The following FBXO45 variants were observed in gnomAD, a reference collection of about 807,000 sequenced individuals.
FBXO45 encodes the protein F-box/SPRY domain-containing protein 1.
In FBXO45, 3 loss-of-function variants were observed where a neutral mutation model predicts 25.5. The observed-to-expected ratio is 0.12, with a 90% CI of 0.05 to 0.30. The LOEUF is 0.30. FBXO45 is among the 10% of genes least tolerant of loss of function. The pLI is 1.00. For missense variants in FBXO45, 219 were observed against 365.0 expected (o/e 0.60, Z 3.26); for synonymous variants, 155 against 149.8 (o/e 1.03, Z -0.25).
Position 196,568,876 on chromosome 3 carries a change from A to C in FBXO45, c.-109A>C. ...GGAGGCGCCGGCGGTTGGCACTGACAGGGGCGGTGAGCGAGCCGCTCCGGT... is the reference window on the plus strand; with the variant it reads ...GGAGGCGCCGGCGGTTGGCACTGACCGGGGCGGTGAGCGAGCCGCTCCGGT... On this transcript the variant is annotated 5_prime_UTR_variant, in exon 1 of 3. Transcript: ENST00000311630. 1 of 826,808 alleles carries C rather than the reference A, an allele frequency of 1.2e-6. No individual in the cohort carries two copies. Among genetic ancestry groups the C allele is most frequent in the Non-Finnish European group, 1.5e-6 (1 of 685,012 alleles). The allele number at this position is 826,808 out of a possible 1,614,324, so 51.2% of individuals were successfully genotyped here.
chr3:196,579,689 T>C (rs1735975804), intron 2 of FBXO45, among the ~76,000 whole-genome samples: 1 of 152,230 alleles, frequency 6.6e-6, no homozygotes. Flanking sequence ...TACATAGTGT[T>C]ACTGATTTTT....
In FBXO45 at chr3:196,569,447, C is replaced by A. The variant is rs138237346; in HGVS notation, c.318+145C>A. 9.5e-4 allele frequency: 685 copies of A among 722,342 alleles called. 1 individual carries two copies. The highest frequency in any genetic ancestry group is 2.5e-3 in the Middle Eastern group (6 of 2,444). 44.7% of individuals were successfully genotyped at this position (722,342 alleles called of 1,614,324 possible). A position where few individuals can be genotyped will look rare whatever the true frequency, so the allele number is the denominator to read the frequency against. ...TCCAGTCAGTATCTTCCTCACCTCC[C>A]CCCAAGATAAAGATTCTCTTTTCTT... On this transcript the variant is annotated intron_variant, in intron 1 of 2. Coordinates refer to ENST00000311630, the MANE Select transcript of FBXO45 (RefSeq NM_001105573.2). This position sits in a 1 kb window ranked among gnomAD's most constrained non-coding sequence, Gnocchi z 4.1.
At position 196,584,593 on chromosome 3, in the gene FBXO45, A is replaced by G; in HGVS notation, c.*275A>G. On this transcript the variant is annotated 3_prime_UTR_variant, in exon 3 of 3. Coordinates refer to ENST00000311630, the MANE Select transcript of FBXO45 (RefSeq NM_001105573.2). The surrounding 1 kb of genome is among the most constrained non-coding windows in gnomAD (Gnocchi z 4.3). ...TCTAAGTTAGCAATGTGTTATTTCC[A>G]GCTTTAAAGGTGAGATTGTAGAGAT... 3.5e-6 allele frequency: 1 copy of G among 289,570 alleles called. No homozygotes were observed. Among genetic ancestry groups the G allele is most frequent in the Admixed American group, 5.2e-5 (1 of 19,330 alleles). 17.9% of individuals were successfully genotyped at this position (289,570 alleles called of 1,614,324 possible). A position where few individuals can be genotyped will look rare whatever the true frequency, so the allele number is the denominator to read the frequency against.
chr3:196,581,679 C>CT (rs1736015158), intron 2 of FBXO45, among the ~76,000 whole-genome samples: 1 of 152,234 alleles, frequency 6.6e-6, no homozygotes, highest in South Asian at 2.1e-4. Flanking sequence ...TTGGATTCAG[C>CT]TTCTGTTGAT....
intron 1 of FBXO45, among the ~76,000 whole-genome samples, chr3:196,570,156 C>T (rs780662443): frequency 4.6e-5 from 7 of 152,086 alleles, no homozygotes; most frequent in East Asian, 1.9e-4. Flanking sequence ...TGGTTAACAG[C>T]TATTCAGTAT....
chr3:196,582,381 G>A (rs1359130997), intron 2 of FBXO45, among the ~76,000 whole-genome samples: 1 of 152,246 alleles, frequency 6.6e-6, no homozygotes, highest in South Asian at 2.1e-4. Context: ...ATGATGATTT[G>A]GAGGTTCTTA....
chr3:196,577,431 G>A (rs766856490), intron 1 of FBXO45, 22 bp from the exon 2 acceptor site: 1 of 1,483,182 alleles, frequency 6.7e-7, no homozygotes, highest in Non-Finnish European at 9.1e-7. Context: ...TTATTTATTT[G>A]GTCTGTTTTT....
chr3:196,582,508 G>C (rs1055388558), intron 2 of FBXO45, among the ~76,000 whole-genome samples: 1 of 152,132 alleles, frequency 6.6e-6, no homozygotes, highest in Non-Finnish European at 1.5e-5. Context: ...GACAATAGTA[G>C]GGGTTATAAT....
rs762074398 is a variant in FBXO45, at chr3:196,584,344, A to AG, written c.*27dup. The stretch of plus-strand genomic sequence containing the variant: ...CAGTGGCTTTCTTGTGATGACAGAC[A>AG]GAATGGAGGAGAGATCTGCTTATGG... On this transcript the variant is annotated 3_prime_UTR_variant, in exon 3 of 3. Transcript: ENST00000311630. The surrounding 1 kb of genome is among the most constrained non-coding windows in gnomAD (Gnocchi z 4.3). 1 of 1,574,886 alleles carries AG rather than the reference A, an allele frequency of 6.3e-7. No individual in the cohort carries two copies. Among genetic ancestry groups the AG allele is most frequent in the South Asian group, 1.2e-5 (1 of 85,022 alleles).
intron 1 of FBXO45, among the ~76,000 whole-genome samples, chr3:196,575,631 G>C (rs1735899657): frequency 6.6e-6 from 1 of 151,202 alleles, no homozygotes; most frequent in Non-Finnish European, 1.5e-5. Flanking sequence ...GCTATTTTGG[G>C]GACATGTTCC....
Position 196,584,482 on chromosome 3 carries a change from C to T in FBXO45, c.*164C>T. The T allele has an allele frequency of 1.6e-6, 1 of 623,838 alleles. No homozygotes were observed. The highest frequency in any genetic ancestry group is 3.1e-5 in the South Asian group (1 of 31,772). 38.6% of individuals were successfully genotyped at this position (623,838 alleles called of 1,614,324 possible). A position where few individuals can be genotyped will look rare whatever the true frequency, so the allele number is the denominator to read the frequency against. ...TACAGCAGAGATTATCTTCGTGTTTCCTCTTTCTACTGGGCCAGAAAAATC... is the reference window on the plus strand; with the variant it reads ...TACAGCAGAGATTATCTTCGTGTTTTCTCTTTCTACTGGGCCAGAAAAATC... On this transcript the variant is annotated 3_prime_UTR_variant, in exon 3 of 3. Transcript: ENST00000311630. This position sits in a 1 kb window ranked among gnomAD's most constrained non-coding sequence, Gnocchi z 4.3.
intron 2 of FBXO45, 118 bp downstream of exon 2, chr3:196,577,927 T>C: frequency 1.7e-6 from 1 of 581,498 alleles, no homozygotes; most frequent in Non-Finnish European, 2.6e-6. Flanking sequence ...TTATTTTTAT[T>C]ATTTTTTTAT....
chr3:196,575,576 A>G (rs550383453), intron 1 of FBXO45, among the ~76,000 whole-genome samples: 2 of 152,154 alleles, frequency 1.3e-5, no homozygotes, highest in East Asian at 3.9e-4. Context: ...AATATTTTAT[A>G]GTGAATTATT....
intron 1 of FBXO45, among the ~76,000 whole-genome samples, chr3:196,576,636 C>T (rs1389559729): frequency 6.6e-6 from 1 of 152,212 alleles, no homozygotes. Flanking sequence ...TTCATACCCT[C>T]TTTATTTTGG....
rs1736084630 is a variant in FBXO45, at chr3:196,585,230, C to T, written c.*912C>T. On this transcript the variant is annotated 3_prime_UTR_variant, in exon 3 of 3. Transcript: ENST00000311630. Reference sequence around the variant, plus strand: ...ATAGTAATGTGTATCTTTTGGTATCCAGTTTTATTTTTGGCCTTCTAAGAA... The same window carrying T: ...ATAGTAATGTGTATCTTTTGGTATCTAGTTTTATTTTTGGCCTTCTAAGAA... 6.6e-6 allele frequency: 1 copy of T among 152,042 alleles called. No homozygotes were observed. Among genetic ancestry groups the T allele is most frequent in the Non-Finnish European group, 1.5e-5 (1 of 67,994 alleles). The allele number at this position is 152,042 out of a possible 1,614,324, so 9.4% of individuals were successfully genotyped here. A position where few individuals can be genotyped will look rare whatever the true frequency, so the allele number is the denominator to read the frequency against.
intron 2 of FBXO45, among the ~76,000 whole-genome samples, chr3:196,583,805 G>A (rs552050140): frequency 5.5e-4 from 84 of 152,092 alleles, no homozygotes; most frequent in Middle Eastern, 6.8e-3. Flanking sequence ...CCAGCTTTGC[G>A]CCACCACACC....
intron 2 of FBXO45, among the ~76,000 whole-genome samples, chr3:196,580,777 C>A (rs975773145): frequency 2.0e-5 from 3 of 151,830 alleles, no homozygotes; most frequent in Non-Finnish European, 4.4e-5. Flanking sequence ...AATTTCTTTT[C>A]CTTTTTTTTT....
Position 196,584,494 on chromosome 3 carries a change from G to A in FBXO45, c.*176G>A. ...TATCTTCGTGTTTCCTCTTTCTACT[G>A]GGCCAGAAAAATCCTCAGGGTTGCA... On this transcript the variant is annotated 3_prime_UTR_variant, in exon 3 of 3. Coordinates refer to ENST00000311630, the MANE Select transcript of FBXO45 (RefSeq NM_001105573.2). The surrounding 1 kb of genome is among the most constrained non-coding windows in gnomAD (Gnocchi z 4.3). The A allele has an allele frequency of 1.7e-6, 1 of 583,456 alleles. No homozygotes were observed. The highest frequency in any genetic ancestry group is 2.8e-6 in the Non-Finnish European group (1 of 354,094). The allele number at this position is 583,456 out of a possible 1,614,324, so 36.1% of individuals were successfully genotyped here.
Position 196,586,445 on chromosome 3 carries a change from G to T in FBXO45, c.*2127G>T, listed in dbSNP as rs1252112343. On this transcript the variant is annotated 3_prime_UTR_variant, in exon 3 of 3. Coordinates refer to ENST00000311630, the MANE Select transcript of FBXO45 (RefSeq NM_001105573.2). ...AACAACAAGCCATTCTTATCTCAAAGATTTAAATTCCCGAATGTCCCATTC... is the reference window on the plus strand; with the variant it reads ...AACAACAAGCCATTCTTATCTCAAATATTTAAATTCCCGAATGTCCCATTC... 1 of 152,158 alleles carries T rather than the reference G, an allele frequency of 6.6e-6. No homozygotes were observed. Among genetic ancestry groups the T allele is most frequent in the African/African-American group, 2.4e-5 (1 of 41,430 alleles). The allele number at this position is 152,158 out of a possible 1,614,324, so 9.4% of individuals were successfully genotyped here.
Sources: allele counts gnomAD v4.1 joint callset (sites outside exome capture counted in the v4.1 genomes callset), GRCh38; gene constraint gnomAD v4.1.1; non-coding constraint Gnocchi (gnomAD v3.1); transcripts MANE v1.5; gene names NCBI Gene and HGNC (gene_info 2026-07-23, HGNC 2026-07-21).